Variants in ZBTB49 observed in about 807,000 individuals in gnomAD.
The protein encoded by ZBTB49 is zinc finger and BTB domain-containing protein 49.
A neutral mutation model predicts 57.5 loss-of-function variants in ZBTB49; 43 were observed. The ratio of observed to expected loss-of-function variants is 0.75; its 90% CI spans 0.59 to 0.97. The LOEUF (loss-of-function observed/expected upper bound fraction) is 0.97, where lower values mean the gene tolerates loss of function less well. Ranked by LOEUF, ZBTB49 falls within the 50% of genes least tolerant of loss-of-function variation. ZBTB49 has a pLI of 0.00. For synonymous variants in ZBTB49, 369 were observed against 362.1 expected, an observed-to-expected ratio of 1.02 and a Z score of -0.22; for missense variants, 938 against 947.7, an observed-to-expected ratio of 0.99 and a Z score of 0.13.
At chr4:4,299,120 A>G (rs1048705415) in intron 1 of ZBTB49, among the ~76,000 whole-genome samples, 3 of 152,136 alleles carry the variant, frequency 2.0e-5, no homozygotes, top group East Asian at 1.9e-4. Flanking sequence ...CCTGGGCATG[A>G]CCTGACCCTC....
intron 1 of ZBTB49, among the ~76,000 whole-genome samples, chr4:4,297,042 A>G (rs571537853): frequency 4.6e-5 from 7 of 152,194 alleles, no homozygotes; most frequent in Admixed American, 6.5e-5. Context: ...ATCAAGTTAT[A>G]CATCGGTTCA....
intron 7 of ZBTB49, among the ~76,000 whole-genome samples, chr4:4,319,200 T>C (rs1721310616): frequency 6.6e-6 from 1 of 152,100 alleles, no homozygotes; most frequent in Non-Finnish European, 1.5e-5. Context: ...GCCTACAGTA[T>C]TTTTTATGTG....
Position 4,321,460 on chromosome 4 carries a change from CT to C in ZBTB49, c.*145del. 1 of 900,844 alleles carries C rather than the reference CT, an allele frequency of 1.1e-6. No individual in the cohort carries two copies. The highest frequency in any genetic ancestry group is 1.7e-6 in the Non-Finnish European group (1 of 602,370). 55.8% of individuals were successfully genotyped at this position (900,844 alleles called of 1,614,324 possible). A position where few individuals can be genotyped will look rare whatever the true frequency, so the allele number is the denominator to read the frequency against. On this transcript the variant is annotated 3_prime_UTR_variant, in exon 8 of 8. Coordinates refer to ENST00000337872, the MANE Select transcript of ZBTB49 (RefSeq NM_145291.4). ...TTCCCTCCTGATGATGGCTCATAATCTGAAGCATCTTGAGCTGGGGGTGTGA... is the reference window on the plus strand; with the variant it reads ...TTCCCTCCTGATGATGGCTCATAATCGAAGCATCTTGAGCTGGGGGTGTGA...
rs374349820 is a variant in ZBTB49, at chr4:4,302,355, G to A, written c.519G>A (p.Ser173=). The A allele has an allele frequency of 6.2e-6, 10 of 1,614,086 alleles. No individual in the cohort carries two copies. The highest frequency in any genetic ancestry group is 1.7e-5 in the Admixed American group (1 of 60,008). Residue 173 remains serine, a synonymous_variant, in exon 3 of 8, where the codon TCG becomes TCA. Coordinates refer to ENST00000337872, the MANE Select transcript of ZBTB49 (RefSeq NM_145291.4). The part of the protein sequence containing the change: ...DAQQNKTLDE[S]HPHASPSVNR... ...AGCAGAACAAAACGTTGGATGAATC[G>A]CATCCGCATGCTTCACCATCAGTTA...
At chr4:4,298,683 A>C (rs6446601) in intron 1 of ZBTB49, among the ~76,000 whole-genome samples, 26,452 of 151,908 alleles carry the variant, frequency 0.17, 5,358 homozygotes, top group African/African-American at 0.48. Flanking sequence ...TCCTGCCTCA[A>C]CCTCCCAAAG....
chr4:4,302,071 C>G lies in ZBTB49; in HGVS notation c.235C>G (p.Leu79Val). Residue 79 changes from leucine to valine, a missense_variant, in exon 3 of 8, where the codon CTG (leucine) becomes GTG (valine). Leu to Val is a conservative substitution (Grantham distance 32). Around this residue, in one of 3 missense-constraint regions of ZBTB49, gnomAD observed 100 missense variants for 112.5 expected, o/e 0.89. Transcript: ENST00000337872. ...AAATGTCAGTGGCATAGGGCAGATC[C>G]TGGACTTCATGTACACTTCTCATCT... is the stretch of plus-strand genomic sequence containing the variant. Reference protein sequence around the residue: ...VKNVSGIGQILDFMYTSHLDL... With the variant: ...VKNVSGIGQIVDFMYTSHLDL... 6.2e-7 allele frequency: 1 copy of G among 1,613,484 alleles called. No homozygotes were observed. The highest frequency in any genetic ancestry group is 8.5e-7 in the Non-Finnish European group (1 of 1,179,566).
intron 4 of ZBTB49, among the ~76,000 whole-genome samples, chr4:4,309,484 GGAAA>G (rs1467651951): frequency 6.6e-6 from 1 of 152,230 alleles, no homozygotes; most frequent in Non-Finnish European, 1.5e-5. Flanking sequence ...TTGAGAAACG[GGAAA>G]GAAAATGCGG....
chr4:4,298,207 A>C (rs1475592366), intron 1 of ZBTB49, among the ~76,000 whole-genome samples: 1 of 152,236 alleles, frequency 6.6e-6, no homozygotes, highest in Non-Finnish European at 1.5e-5. Context: ...TCTCCAACCC[A>C]CTGGCCAAGA....
chr4:4,320,900 G>C lies in ZBTB49; in HGVS notation c.1882G>C (p.Val628Leu), dbSNP rs1482318195. The C allele has an allele frequency of 1.9e-6, 3 of 1,614,084 alleles. No individual in the cohort carries two copies. Among genetic ancestry groups the C allele is most frequent in the Non-Finnish European group, 2.5e-6 (3 of 1,180,030 alleles). Residue 628 changes from valine (V) to leucine (L), a missense_variant, in exon 8 of 8, where the codon GTG becomes CTG. Around this residue, in one of 3 missense-constraint regions of ZBTB49, gnomAD observed 835 missense variants for 819.1 expected, o/e 1.02. Coordinates refer to ENST00000337872, the MANE Select transcript of ZBTB49 (RefSeq NM_145291.4). ...AGACACGTCTGTGACGCTGATGCCA[G>C]TGTCGGTTAAACTCCCTGTCCACCC... ...SQDTSVTLMP[V>L]SVKLPVHPVE...
At chr4:4,304,112 T>C (rs536112707) in intron 3 of ZBTB49, among the ~76,000 whole-genome samples, 1 of 152,328 alleles carries the variant, frequency 6.6e-6, no homozygotes, top group South Asian at 2.1e-4. Context: ...TTATTATCAC[T>C]AGTAGTTCAA....
chr4:4,301,702 T>A (rs561770637), intron 2 of ZBTB49, among the ~76,000 whole-genome samples: 1 of 152,292 alleles, frequency 6.6e-6, no homozygotes, highest in East Asian at 1.9e-4. Flanking sequence ...GGTTTATCAG[T>A]CATATAAATG....
At chr4:4,317,133 C>A (rs532656996) in intron 7 of ZBTB49, among the ~76,000 whole-genome samples, 34 of 152,316 alleles carry the variant, frequency 2.2e-4, no homozygotes, top group Admixed American at 1.8e-3. Flanking sequence ...CCTCCTTCCC[C>A]AGCTAGGACT....
chr4:4,315,282 G>T (rs1721137598), intron 5 of ZBTB49, among the ~76,000 whole-genome samples: 1 of 152,194 alleles, frequency 6.6e-6, no homozygotes, highest in Non-Finnish European at 1.5e-5. Context: ...GGTGGAAGGG[G>T]CATTTGGCTC....
At chr4:4,311,216 T>A (rs1720969332) in intron 4 of ZBTB49, among the ~76,000 whole-genome samples, 1 of 152,254 alleles carries the variant, frequency 6.6e-6, no homozygotes, top group African/African-American at 2.4e-5. Flanking sequence ...AAGTAATCGT[T>A]ATGCCATTTT....
chr4:4,306,139 T>G lies in ZBTB49; in HGVS notation c.1257T>G (p.Gly419=), dbSNP rs1309274172. The G allele has an allele frequency of 6.2e-7, 1 of 1,612,598 alleles. No individual in the cohort carries two copies. The highest frequency in any genetic ancestry group is 8.5e-7 in the Non-Finnish European group (1 of 1,179,496). The change falls in exon 4 of 8, where the codon GGT becomes GGG. Residue 419 remains glycine, a splice_region_variant and synonymous_variant. Transcript: ENST00000337872. Reference sequence around the variant, plus strand: ...AGTTGTTGTTTTGTTTTGTTTTAGGTGAGAAACCTTTTGAATGTAACATTT... The same window carrying G: ...AGTTGTTGTTTTGTTTTGTTTTAGGGGAGAAACCTTTTGAATGTAACATTT... ...NLELHKRSHT[G]EKPFECNICG...
rs377303738 is a variant in ZBTB49 at position 4,302,342 on chromosome 4, C to T, written c.506C>T (p.Thr169Met). 24 of 1,614,110 alleles carry T rather than the reference C, an allele frequency of 1.5e-5. No individual in the cohort carries two copies. The highest frequency in any genetic ancestry group is 1.3e-4 in the South Asian group (12 of 91,088). The stretch of plus-strand genomic sequence containing the variant: ...TCAGCAGATGCACAGCAGAACAAAA[C>T]GTTGGATGAATCGCATCCGCATGCT... ...ECSADAQQNK[T>M]LDESHPHASP... Residue 169 changes from threonine (T) to methionine (M), a missense_variant, in exon 3 of 8, where the codon ACG (threonine) becomes ATG (methionine). By Grantham distance (81) the Thr-to-Met change is moderately conservative. This residue lies in a region of ZBTB49 where 835 missense variants were observed against 819.1 expected (regional missense o/e 1.02). Coordinates refer to ENST00000337872, the MANE Select transcript of ZBTB49 (RefSeq NM_145291.4).
intron 3 of ZBTB49, among the ~76,000 whole-genome samples, chr4:4,304,704 G>A (rs1008269476): frequency 1.3e-5 from 2 of 151,842 alleles, no homozygotes; most frequent in African/African-American, 2.4e-5. Flanking sequence ...CCTTTTTGGG[G>A]GTCTGTGAGG....
At chr4:4,318,054 G>A (rs563636059) in intron 7 of ZBTB49, among the ~76,000 whole-genome samples, 115 of 152,288 alleles carry the variant, frequency 7.6e-4, no homozygotes, top group Non-Finnish European at 1.5e-3. Flanking sequence ...GCCCACAGCA[G>A]TGTGGCGCCC....
At chr4:4,311,163 A>G (rs1720967780) in intron 4 of ZBTB49, among the ~76,000 whole-genome samples, 1 of 152,254 alleles carries the variant, frequency 6.6e-6, no homozygotes, top group Non-Finnish European at 1.5e-5. Flanking sequence ...TACCACTTAA[A>G]ATATTAAATG....
Sources: gnomAD v4.1 joint callset for allele counts (sites outside exome capture counted in the v4.1 genomes callset) on GRCh38, gnomAD v4.1.1 for gene constraint, gnomAD v4.1.1 regional missense constraint, MANE v1.5 for transcripts, NCBI Gene and HGNC (gene_info 2026-07-23, HGNC 2026-07-21) for gene names.